MSRA: variants seen among roughly 807,000 people sequenced by gnomAD.
The protein encoded by MSRA is methionine sulfoxide reductase A.
Under a neutral mutation model 31.3 loss-of-function variants are expected in MSRA, and 54 were observed. That is an observed-to-expected ratio of 1.73 (90% confidence interval 1.39 to 2.17). The LOEUF (loss-of-function observed/expected upper bound fraction) is 2.17, where lower values mean the gene tolerates loss of function less well. Among genes scored for constraint, MSRA ranks in the 30% most tolerant of loss-of-function variants. MSRA has a pLI of 0.00. For synonymous variants in MSRA, 169 were observed against 116.5 expected (o/e 1.45, Z -2.90); for missense variants, 507 against 300.9 (o/e 1.69, Z -5.07).
At chr8:10,314,290 A>G (rs1236940600) in intron 4 of MSRA, among the ~76,000 whole-genome samples, 3 of 152,242 alleles carry the variant, frequency 2.0e-5, no homozygotes, top group Non-Finnish European at 2.9e-5. Flanking sequence ...TATTCAGAAT[A>G]TATAAAAAAT....
intron 1 of MSRA, among the ~76,000 whole-genome samples, chr8:10,129,424 A>G (rs1327405150): frequency 3.9e-5 from 6 of 152,192 alleles, no homozygotes; most frequent in Non-Finnish European, 8.8e-5. Context: ...TAAAATAAAT[A>G]TAAAGTGATG....
At chr8:10,225,097 A>C (rs1190882984) in intron 2 of MSRA, among the ~76,000 whole-genome samples, 1 of 152,210 alleles carries the variant, frequency 6.6e-6, no homozygotes, top group Non-Finnish European at 1.5e-5. Flanking sequence ...AGATCGCATC[A>C]CTGCACTCCA....
Position 10,085,546 on chromosome 8 carries a change from C to G in MSRA, c.142+30888C>G, listed in dbSNP as rs532092944. On this transcript the variant is annotated intron_variant, in intron 1 of 5. Transcript: ENST00000317173. ...TCAATAGCCCCTTGAAGGCATGATA[C>G]GGTACCTTGGATGGTTTCTATGTTA... is the stretch of plus-strand genomic sequence containing the variant. Among the ~76,000 whole-genome samples the G allele has an allele frequency of 1.3e-5, 2 of 152,172 alleles. 1 individual carries two copies.
intron 3 of MSRA, among the ~76,000 whole-genome samples, chr8:10,275,434 C>G (rs929866668): frequency 6.6e-6 from 1 of 152,166 alleles, no homozygotes; most frequent in Non-Finnish European, 1.5e-5. Context: ...ATCTTCTTTT[C>G]TGACACATGG....
At chr8:10,402,070 T>C (rs1036403346) in intron 5 of MSRA, among the ~76,000 whole-genome samples, 1 of 152,164 alleles carries the variant, frequency 6.6e-6, no homozygotes, top group Admixed American at 6.5e-5. Context: ...TATTTTACCA[T>C]AATAGAAAAA....
chr8:10,080,767 G>C (rs934441190), intron 1 of MSRA, among the ~76,000 whole-genome samples: 4 of 151,522 alleles, frequency 2.6e-5, no homozygotes, highest in African/African-American at 7.3e-5. Context: ...TTGAGTTCCT[G>C]GGCTCAAGCG....
chr8:10,126,396 G>C (rs1158737712), intron 1 of MSRA, among the ~76,000 whole-genome samples: 1 of 152,204 alleles, frequency 6.6e-6, no homozygotes, highest in Non-Finnish European at 1.5e-5. Flanking sequence ...CCCAAGCTCT[G>C]TGGCACCAGG....
At chr8:10,212,547 A>G (rs1030230704) in intron 2 of MSRA, among the ~76,000 whole-genome samples, 1 of 152,254 alleles carries the variant, frequency 6.6e-6, no homozygotes, top group South Asian at 2.1e-4. Flanking sequence ...TATTCAATAA[A>G]TATTGTTGTG....
At chr8:10,426,258 G>A (rs765372326) in intron 5 of MSRA, among the ~76,000 whole-genome samples, 1 of 152,090 alleles carries the variant, frequency 6.6e-6, no homozygotes, top group Non-Finnish European at 1.5e-5. Flanking sequence ...GCTGGGGCCC[G>A]GTCATGGAAA....
intron 1 of MSRA, among the ~76,000 whole-genome samples, chr8:10,080,317 C>CT (rs201769416): frequency 5.4e-3 from 772 of 141,980 alleles, no homozygotes; most frequent in Middle Eastern, 0.011. Context: ...TTTTTTAAAT[C>CT]TTTTTTTTTT....
chr8:10,288,110 A>T (rs868114381), intron 3 of MSRA, among the ~76,000 whole-genome samples: 1 of 152,212 alleles, frequency 6.6e-6, no homozygotes, highest in Admixed American at 6.5e-5. Flanking sequence ...GGCTGGAATT[A>T]TAGTTGGTTT....
chr8:10,130,503 C>T (rs572981302), intron 1 of MSRA, among the ~76,000 whole-genome samples: 1 of 152,144 alleles, frequency 6.6e-6, no homozygotes, highest in Non-Finnish European at 1.5e-5. Context: ...GTTGTTGCTG[C>T]TTGGATATTT....
At chr8:10,304,761 A>G (rs542822036) in intron 4 of MSRA, among the ~76,000 whole-genome samples, 27 of 152,296 alleles carry the variant, frequency 1.8e-4, no homozygotes, top group Non-Finnish European at 3.2e-4. Context: ...CCGCCACTAG[A>G]GAAGATGAGG....
intron 5 of MSRA, chr8:10,326,626 T>G (rs542958971): frequency 2.6e-5 from 4 of 152,212 alleles, no homozygotes; most frequent in Admixed American, 1.3e-4. Flanking sequence ...TAATACAACT[T>G]TGCATAAAAT....
chr8:10,206,119 A>T (rs780468613), intron 1 of MSRA, among the ~76,000 whole-genome samples: 4 of 152,062 alleles, frequency 2.6e-5, no homozygotes, highest in African/African-American at 7.3e-5. Flanking sequence ...CTGACTTGTG[A>T]TATGGGTCAA....
At chr8:10,195,447 C>T (rs767925367) in intron 1 of MSRA, among the ~76,000 whole-genome samples, 11 of 152,102 alleles carry the variant, frequency 7.2e-5, no homozygotes, top group African/African-American at 1.9e-4. Flanking sequence ...CCCCATGTTG[C>T]CCAGGGTGGT....
chr8:10,428,027 G>T (rs1809292504), intron 5 of MSRA, 121 bp from the exon 6 acceptor site: 1 of 1,032,444 alleles, frequency 9.7e-7, no homozygotes, highest in Non-Finnish European at 1.4e-6. Context: ...GCCTAAAGGG[G>T]ACCCACTGCA....
chr8:10,303,352 A>T (rs1487889614), intron 4 of MSRA, among the ~76,000 whole-genome samples: 1 of 152,152 alleles, frequency 6.6e-6, no homozygotes, highest in Non-Finnish European at 1.5e-5. Context: ...TGGGTTGCTA[A>T]TACCGGCCCC....
At chr8:10,394,016 G>T (rs928775048) in intron 5 of MSRA, among the ~76,000 whole-genome samples, 1 of 152,208 alleles carries the variant, frequency 6.6e-6, no homozygotes, top group African/African-American at 2.4e-5. Flanking sequence ...AGGGCAGATG[G>T]AAGAGACCCT....
Sources: allele counts gnomAD v4.1 joint callset (sites outside exome capture counted in the v4.1 genomes callset), GRCh38; gene constraint gnomAD v4.1.1; transcripts MANE v1.5; gene names NCBI Gene and HGNC (gene_info 2026-07-23, HGNC 2026-07-21).